Variants in RNF152 observed in about 807,000 individuals in gnomAD.
The protein encoded by RNF152 is ring finger protein 152.
In RNF152, 11 loss-of-function variants were observed where a neutral mutation model predicts 12.7. The ratio of observed to expected loss-of-function variants is 0.86; its 90% CI spans 0.54 to 1.43. The LOEUF (loss-of-function observed/expected upper bound fraction) is 1.43, where lower values mean the gene tolerates loss of function less well. Among genes scored for constraint, RNF152 ranks in the 40% most tolerant of loss-of-function variants. RNF152 has a pLI of 0.00. For missense variants in RNF152, 255 were observed against 274.8 expected (o/e 0.93, Z 0.51); for synonymous variants, 113 against 120.3 (o/e 0.94, Z 0.40).
At chr18:61,825,681 A>C (rs1296626869) in intron 1 of RNF152, among the ~76,000 whole-genome samples, 3 of 152,106 alleles carry the variant, frequency 2.0e-5, no homozygotes, top group Non-Finnish European at 4.4e-5. Context: ...GTTGTGCCTT[A>C]GGGACTGCAA....
chr18:61,858,480 C>G (rs1289142664), intron 1 of RNF152, among the ~76,000 whole-genome samples: 1 of 152,092 alleles, frequency 6.6e-6, no homozygotes, highest in East Asian at 1.9e-4. Flanking sequence ...TAAGATCCAG[C>G]CACCTCTAGA....
intron 1 of RNF152, among the ~76,000 whole-genome samples, chr18:61,864,478 A>T (rs1037451295): frequency 7.2e-5 from 11 of 151,958 alleles, no homozygotes; most frequent in Non-Finnish European, 1.5e-5. Context: ...GGGAGGCGTC[A>T]CCCTCCCCCA....
chr18:61,864,974 C>T (rs1252048946), intron 1 of RNF152, among the ~76,000 whole-genome samples: 4 of 151,934 alleles, frequency 2.6e-5, no homozygotes, highest in Non-Finnish European at 4.4e-5. Context: ...GAGCTGAGCT[C>T]GTGCCATTGC....
intron 1 of RNF152, among the ~76,000 whole-genome samples, chr18:61,889,855 G>T (rs1425185757): frequency 6.6e-6 from 1 of 152,158 alleles, no homozygotes; most frequent in East Asian, 1.9e-4. Context: ...TAAACAAGAG[G>T]CAGATGGTGA....
chr18:61,828,341 T>A (rs1909768151), intron 1 of RNF152, among the ~76,000 whole-genome samples: 1 of 152,332 alleles, frequency 6.6e-6, no homozygotes, highest in Middle Eastern at 3.4e-3. Flanking sequence ...ATCCTTGAAC[T>A]CCTTGCCTCA....
At chr18:61,864,947 G>A (rs1048189777) in intron 1 of RNF152, among the ~76,000 whole-genome samples, 1 of 152,162 alleles carries the variant, frequency 6.6e-6, no homozygotes, top group Non-Finnish European at 1.5e-5. Flanking sequence ...TTGAACCCAG[G>A]AGGCGGAGGT....
At chr18:61,820,590 G>T (rs1166306799) in intron 1 of RNF152, among the ~76,000 whole-genome samples, 1 of 151,848 alleles carries the variant, frequency 6.6e-6, no homozygotes, top group Non-Finnish European at 1.5e-5. Context: ...ATAAAATTGA[G>T]GCAGGGTACA....
chr18:61,878,689 C>A lies in RNF152; in HGVS notation c.-136+14106G>T, dbSNP rs1737018765. 2.6e-5 allele frequency among the ~76,000 whole-genome samples: 4 copies of A among 152,152 alleles called. No individual in the cohort carries two copies. In the South Asian group the frequency reaches 6.2e-4, roughly 24 times the overall value. Reference sequence around the variant, plus strand: ...GTGGATTCAGTGTCTAGTGAGAGGCCTCTGTTTCCAAGATGACACCTTATT... The same window carrying A: ...GTGGATTCAGTGTCTAGTGAGAGGCATCTGTTTCCAAGATGACACCTTATT... On this transcript the variant is annotated intron_variant, in intron 1 of 1. Transcript: ENST00000312828.
intron 1 of RNF152, among the ~76,000 whole-genome samples, chr18:61,840,813 C>T (rs191683184): frequency 7.2e-5 from 11 of 152,164 alleles, no homozygotes; most frequent in African/African-American, 2.4e-4. Context: ...TAGCATGTAC[C>T]TTTCTAGGTT....
intron 1 of RNF152, among the ~76,000 whole-genome samples, chr18:61,876,550 C>T (rs1375499677): frequency 6.6e-6 from 1 of 152,178 alleles, no homozygotes; most frequent in Non-Finnish European, 1.5e-5. Context: ...TCAGAGAAAG[C>T]ACATCTCCTT....
intron 1 of RNF152, among the ~76,000 whole-genome samples, chr18:61,874,283 T>G (rs1379929704): frequency 1.3e-5 from 2 of 152,252 alleles, no homozygotes; most frequent in African/African-American, 4.8e-5. Context: ...AGGTAGTTAA[T>G]GTCTTTTGAA....
chr18:61,824,001 G>A (rs1005338243), intron 1 of RNF152, among the ~76,000 whole-genome samples: 1 of 152,196 alleles, frequency 6.6e-6, no homozygotes, highest in African/African-American at 2.4e-5. Flanking sequence ...CCAGCCCCAG[G>A]TGCATTTTGT....
intron 1 of RNF152, among the ~76,000 whole-genome samples, chr18:61,855,695 C>A (rs1366036819): frequency 6.6e-6 from 1 of 152,238 alleles, no homozygotes; most frequent in Non-Finnish European, 1.5e-5. Flanking sequence ...GCTCACCACA[C>A]AATCTCATCA....
chr18:61,844,180 A>AAGGAG (rs1910638227), intron 1 of RNF152, among the ~76,000 whole-genome samples: 1 of 60,996 alleles, frequency 1.6e-5, no homozygotes, highest in Non-Finnish European at 4.8e-5. Flanking sequence ...GGAGGAAGAG[A>AAGGAG]GGAAGGAAGG....
chr18:61,884,169 T>C (rs902819503), intron 1 of RNF152, among the ~76,000 whole-genome samples: 1 of 152,200 alleles, frequency 6.6e-6, no homozygotes, highest in African/African-American at 2.4e-5. Flanking sequence ...CTAAGCACTT[T>C]ATATGTAAGT....
intron 1 of RNF152, among the ~76,000 whole-genome samples, chr18:61,853,832 T>C (rs1911097379): frequency 1.3e-5 from 2 of 152,178 alleles, no homozygotes; most frequent in African/African-American, 4.8e-5. Context: ...GTAGGTAACA[T>C]ATTCACAAGT....
At chr18:61,888,432 A>G (rs1912797156) in intron 1 of RNF152, 1 of 152,268 alleles carries the variant, frequency 6.6e-6, no homozygotes, top group Non-Finnish European at 1.5e-5. Context: ...ATACACATTC[A>G]GTAGAAACCG....
At chr18:61,863,433 CAAAAAAAAAAAA>C (rs34663065) in intron 1 of RNF152, among the ~76,000 whole-genome samples, 15 of 90,960 alleles carry the variant, frequency 1.6e-4, no homozygotes, top group African/African-American at 6.4e-4. Context: ...GACTCCGTCT[CAAAAAAAAAAAA>C]AAAAAAAAAG....
At chr18:61,825,635 A>G (rs932848203) in intron 1 of RNF152, among the ~76,000 whole-genome samples, 7 of 152,186 alleles carry the variant, frequency 4.6e-5, no homozygotes, top group African/African-American at 1.7e-4. Context: ...GCATGCAGTC[A>G]TCACTGGAGG....
Sources: gnomAD v4.1 joint callset for allele counts (sites outside exome capture counted in the v4.1 genomes callset) on GRCh38, gnomAD v4.1.1 for gene constraint, MANE v1.5 for transcripts, NCBI Gene and HGNC (gene_info 2026-07-23, HGNC 2026-07-21) for gene names.